PCDHA7: variants seen among roughly 807,000 people sequenced by gnomAD.
The protein encoded by PCDHA7 is protocadherin alpha-7.
In PCDHA7, 37 loss-of-function variants were observed where a neutral mutation model predicts 57.2. That is an observed-to-expected ratio of 0.65 (90% CI 0.50 to 0.85). The LOEUF (loss-of-function observed/expected upper bound fraction) is 0.85. Among genes scored for constraint, PCDHA7 ranks in the 40% least tolerant of loss-of-function variants. The pLI is 0.00. For missense variants in PCDHA7, 1,188 were observed against 1,241.8 expected (o/e 0.96, Z 0.65); for synonymous variants, 553 against 558.8 (o/e 0.99, Z 0.15).
At position 140,836,011 on chromosome 5, in the gene PCDHA7, C is replaced by T. The variant is rs2150250556; in HGVS notation, c.1628C>T (p.Pro543Leu). Reference sequence around the variant, plus strand: ...GTGAGCGCGCGCGATGCGGGCGTGCCGCCTCTGGGCAGCAACGTGACGCTG... The same window carrying T: ...GTGAGCGCGCGCGATGCGGGCGTGCTGCCTCTGGGCAGCAACGTGACGCTG... ...FQVSARDAGV[P>L]PLGSNVTLQV... The change falls in exon 1 of 4, where the codon CCG becomes CTG. Residue 543 changes from proline to leucine, a missense_variant. Coordinates refer to ENST00000525929, the MANE Select transcript of PCDHA7 (RefSeq NM_018910.3). 2 of 1,613,394 alleles carry T rather than the reference C, an allele frequency of 1.2e-6. No homozygotes were observed. Among genetic ancestry groups the T allele is most frequent in the East Asian group, 2.2e-5 (1 of 44,856 alleles).
intron 1 of PCDHA7, among the ~76,000 whole-genome samples, chr5:140,892,375 A>G (rs1032467069): frequency 1.3e-5 from 2 of 152,226 alleles, no homozygotes; most frequent in African/African-American, 4.8e-5. Flanking sequence ...GGCACTAGCA[A>G]TCATGGGTAA....
intron 1 of PCDHA7, among the ~76,000 whole-genome samples, chr5:140,838,389 G>A (rs1775711705): frequency 6.6e-6 from 1 of 150,780 alleles, no homozygotes; most frequent in Non-Finnish European, 1.5e-5. Flanking sequence ...CTCCCAATGT[G>A]CTGGGATTAC....
intron 1 of PCDHA7, among the ~76,000 whole-genome samples, chr5:140,915,915 T>C (rs782614078): frequency 1.3e-5 from 2 of 152,158 alleles, no homozygotes; most frequent in Non-Finnish European, 2.9e-5. Context: ...GGCCCAGAGA[T>C]GCTACTTGGG....
intron 1 of PCDHA7, chr5:140,871,118 G>C (rs1554165149): frequency 6.2e-7 from 1 of 1,613,306 alleles, no homozygotes; most frequent in East Asian, 2.2e-5. Flanking sequence ...GTGGAGAGCG[G>C]ACAGGCGCCA....
At chr5:140,858,318 G>A (rs1441459097) in intron 1 of PCDHA7, 1 of 1,596,952 alleles carries the variant, frequency 6.3e-7, no homozygotes, top group African/African-American at 1.3e-5. Flanking sequence ...CAGAGGGTGT[G>A]TTCTGGGGAG....
chr5:140,899,269 A>G (rs1301807291), intron 1 of PCDHA7, among the ~76,000 whole-genome samples: 43 of 152,142 alleles, frequency 2.8e-4, no homozygotes, highest in African/African-American at 1.0e-3. Flanking sequence ...GTCTTGTGGC[A>G]GTTTTCAAAG....
chr5:140,850,511 C>T (rs2150486900), intron 1 of PCDHA7: 2 of 1,598,036 alleles, frequency 1.3e-6, no homozygotes, highest in East Asian at 2.2e-5. Context: ...TGGTGGAGAG[C>T]GGCCAGGCGC....
chr5:140,989,842 G>A (rs1411244835), intron 3 of PCDHA7, among the ~76,000 whole-genome samples: 1 of 152,178 alleles, frequency 6.6e-6, no homozygotes, highest in Non-Finnish European at 1.5e-5. Context: ...GTCAATGAGT[G>A]TGTGGACTGG....
intron 1 of PCDHA7, among the ~76,000 whole-genome samples, chr5:140,965,785 T>C (rs1315730975): frequency 1.3e-5 from 2 of 152,222 alleles, no homozygotes; most frequent in East Asian, 3.8e-4. Context: ...GCCTACAGCT[T>C]CATGGAGACT....
intron 1 of PCDHA7, chr5:140,875,436 A>G (rs782083459): frequency 6.4e-7 from 1 of 1,564,660 alleles, no homozygotes; most frequent in Non-Finnish European, 8.6e-7. Flanking sequence ...ATCCCTTAAA[A>G]CTGATTGTCC....
intron 1 of PCDHA7, among the ~76,000 whole-genome samples, chr5:140,890,099 A>G (rs1301934861): frequency 2.0e-5 from 3 of 152,086 alleles, no homozygotes; most frequent in African/African-American, 7.2e-5. Context: ...TTTATTCCCA[A>G]CTCTGGATTC....
chr5:140,835,753 A>G lies in PCDHA7; in HGVS notation c.1370A>G (p.Gln457Arg). The G allele has an allele frequency of 6.2e-7, 1 of 1,613,416 alleles. No individual in the cohort carries two copies. Among genetic ancestry groups the G allele is most frequent in the Non-Finnish European group, 8.5e-7 (1 of 1,179,798 alleles). Residue 457 changes from glutamine (Q) to arginine (R), a missense_variant, in exon 1 of 4, where the codon CAG (glutamine) becomes CGG (arginine). Physicochemically the swap from Gln to Arg is conservative, Grantham distance 43. Transcript: ENST00000525929. ...AACGACAACGCCCCGGCGTTCGCGC[A>G]GCCCGAGTATACGGTGTTCGTGAAG... Reference protein sequence around the residue: ...DVNDNAPAFAQPEYTVFVKEN... With the variant: ...DVNDNAPAFARPEYTVFVKEN...
intron 1 of PCDHA7, among the ~76,000 whole-genome samples, chr5:140,925,358 C>A (rs1554202714): frequency 8.5e-5 from 13 of 152,094 alleles, no homozygotes; most frequent in Non-Finnish European, 1.9e-4. Flanking sequence ...GAATTTAGTG[C>A]TTCATAGTCA....
rs1053041034 is a variant in PCDHA7 at position 141,011,123 on chromosome 5, T to G, written c.*1186T>G. ...CTCTCTCTTTTCTAAGAAACAATTA[T>G]GTGCACTTTGATACACAACCTTCTC... is the stretch of plus-strand genomic sequence containing the variant. On this transcript the variant is annotated 3_prime_UTR_variant, in exon 4 of 4. Coordinates refer to ENST00000525929, the MANE Select transcript of PCDHA7 (RefSeq NM_018910.3). 3 of 153,884 alleles carry G rather than the reference T, an allele frequency of 1.9e-5. No homozygotes were observed. The Admixed American group carries it at 2.0e-4, about 10-fold the overall frequency. The allele number at this position is 153,884 out of a possible 1,614,324, so 9.5% of individuals were successfully genotyped here.
intron 1 of PCDHA7, chr5:140,867,147 C>T (rs1554160998): frequency 6.6e-6 from 1 of 152,068 alleles, no homozygotes; most frequent in East Asian, 1.9e-4. Flanking sequence ...TATCATTTTT[C>T]CAGAGTAAAC....
At chr5:140,873,494 T>C (rs2153295972) in intron 1 of PCDHA7, among the ~76,000 whole-genome samples, 1 of 152,254 alleles carries the variant, frequency 6.6e-6, no homozygotes, top group South Asian at 2.1e-4. Flanking sequence ...TTCTGCAAAG[T>C]TGTGTCTTTT....
chr5:140,855,410 T>A (rs2043456249), intron 1 of PCDHA7, among the ~76,000 whole-genome samples: 1 of 149,998 alleles, frequency 6.7e-6, no homozygotes, highest in Admixed American at 6.7e-5. Context: ...TTGAAGCTAA[T>A]GATCTCTAAA....
intron 1 of PCDHA7, chr5:140,869,938 T>TA (rs2051517617): frequency 6.2e-7 from 1 of 1,611,918 alleles, no homozygotes; most frequent in Admixed American, 1.7e-5. Context: ...AGAGGTAACA[T>TA]ACTCCTTAAT....
At chr5:141,009,104 T>G (rs2098399543) in intron 3 of PCDHA7, among the ~76,000 whole-genome samples, 1 of 152,220 alleles carries the variant, frequency 6.6e-6, no homozygotes, top group Non-Finnish European at 1.5e-5. Flanking sequence ...CATATGTTAC[T>G]ATGAAACTAG....
Sources: allele counts gnomAD v4.1 joint callset (sites outside exome capture counted in the v4.1 genomes callset), GRCh38; gene constraint gnomAD v4.1.1; transcripts MANE v1.5; gene names NCBI Gene and HGNC (gene_info 2026-07-23, HGNC 2026-07-21).